The following SELENOO variants were observed in gnomAD, a reference collection of about 807,000 sequenced individuals.
SELENOO encodes the protein selenoprotein O, also known as protein adenylyltransferase SelO, mitochondrial.
In SELENOO, 74 loss-of-function variants were observed where a neutral mutation model predicts 58.7. That is an observed-to-expected ratio of 1.26 (90% CI 1.04 to 1.53). The LOEUF is 1.53. SELENOO is among the 40% of genes most tolerant of loss of function. SELENOO has a pLI of 0.00. For synonymous variants in SELENOO, 543 were observed against 453.2 expected, an observed-to-expected ratio of 1.20 and a Z score of -2.52; for missense variants, 1,149 against 970.0, an observed-to-expected ratio of 1.18 and a Z score of -2.45.
At chr22:50,215,919 A>G (rs373647722) in intron 6 of SELENOO, 52 bp downstream of exon 6, 7 of 1,504,884 alleles carry the variant, frequency 4.7e-6, no homozygotes, top group Non-Finnish European at 6.4e-6. Context: ...AAGGAAGCAT[A>G]ATCAGAAACA....
chr22:50,208,633 T>C lies in SELENOO; in HGVS notation c.856T>C (p.Tyr286His), dbSNP rs2064348250. ...CGACATTCGAGTGCAGCTGCTCGAC[T>C]ATGTCATCAGCTCCTTTTACCCCGA... ...RNDIRVQLLDYVISSFYPEIQ... is the reference protein window; with the variant it reads ...RNDIRVQLLDHVISSFYPEIQ... The change falls in exon 3 of 9, where the codon TAT (tyrosine) becomes CAT (histidine). Residue 286 changes from tyrosine to histidine, a missense_variant. Tyr to His is a moderately conservative substitution (Grantham distance 83, BLOSUM62 2). Transcript: ENST00000380903. 8.7e-6 allele frequency: 14 copies of C among 1,613,812 alleles called. No homozygotes were observed. The highest frequency in any genetic ancestry group is 1.2e-5 in the Non-Finnish European group (14 of 1,180,014).
Position 50,210,621 on chromosome 22 carries a change from C to T in SELENOO, c.1071-10C>T, listed in dbSNP as rs746160721. On this transcript the variant is annotated splice_polypyrimidine_tract_variant and intron_variant, in intron 4 of 8. Coordinates refer to ENST00000380903, the MANE Select transcript of SELENOO (RefSeq NM_031454.2). The stretch of plus-strand genomic sequence containing the variant: ...CAGGCAGGGCGTGGCTCTCTTGCCC[C>T]GTGTGGCAGGTACGACCCCGACCAC... 2.4e-5 allele frequency: 38 copies of T among 1,612,714 alleles called. No homozygotes were observed. Among genetic ancestry groups the T allele is most frequent in the African/African-American group, 4.0e-5 (3 of 74,934 alleles).
chr22:50,205,455 T>C (rs2064327070), intron 1 of SELENOO: 1 of 152,316 alleles, frequency 6.6e-6, no homozygotes, highest in Middle Eastern at 3.4e-3. Flanking sequence ...CTTGGCGGCA[T>C]TGCCTGTAGT....
chr22:50,210,646 C>T lies in SELENOO; in HGVS notation c.1086C>T (p.His362=), dbSNP rs764514579. 7.4e-6 allele frequency: 12 copies of T among 1,612,788 alleles called. No individual in the cohort carries two copies. In the Admixed American group the frequency reaches 1.7e-4, roughly 22 times the overall value. The change falls in exon 5 of 9, where the codon CAC becomes CAT. Residue 362 remains histidine, a synonymous_variant. Transcript: ENST00000380903. ...CGTGTGGCAGGTACGACCCCGACCA[C>T]GTGTGCAATGCCTCCGACAACACCG... ...FGFLDRYDPD[H]VCNASDNTGR...
At chr22:50,206,660 G>A (rs928603037) in intron 2 of SELENOO, 140 bp downstream of exon 2, 28 of 755,642 alleles carry the variant, frequency 3.7e-5, no homozygotes, top group Middle Eastern at 7.7e-4. Flanking sequence ...CCTGTCCCTG[G>A]CAGCCTCAGA....
In SELENOO at chr22:50,216,975, C is replaced by G. The variant is rs1226413769; in HGVS notation, c.1692C>G (p.Ala564=). The part of the protein sequence containing the change: ...HWADWLQAYR[A]RLDKDLEGAG... Reference sequence around the variant, plus strand: ...CAGAGCCCGGATGTCATTCCAGAGCCCGGCTGGACAAGGACCTGGAAGGCG... The same window carrying G: ...CAGAGCCCGGATGTCATTCCAGAGCGCGGCTGGACAAGGACCTGGAAGGCG... Residue 564 remains alanine (A), a synonymous_variant, in exon 8 of 9, where the codon GCC becomes GCG. Transcript: ENST00000380903. 3 of 1,608,202 alleles carry G rather than the reference C, an allele frequency of 1.9e-6. No individual in the cohort carries two copies. Among genetic ancestry groups the G allele is most frequent in the Admixed American group, 1.7e-5 (1 of 59,916 alleles).
intron 5 of SELENOO, among the ~76,000 whole-genome samples, chr22:50,213,647 G>A (rs933798061): frequency 6.6e-6 from 1 of 151,794 alleles, no homozygotes. Context: ...CTTCTGTCTG[G>A]ATGGTTTTTT....
intron 5 of SELENOO, 105 bp from the exon 6 acceptor site, chr22:50,215,612 A>T: frequency 1.1e-5 from 10 of 897,932 alleles, no homozygotes; most frequent in South Asian, 4.7e-5. Context: ...GGGTGGGTCC[A>T]TGCAGCACCT....
chr22:50,201,436 G>C lies in SELENOO; in HGVS notation c.400G>C (p.Glu134Gln). Residue 134 changes from glutamate to glutamine, a missense_variant, in exon 1 of 9, where the codon GAG becomes CAG. By Grantham distance (29) the Glu-to-Gln change is conservative (BLOSUM62 2). Transcript: ENST00000380903. ...CGGCAACGCGCTCCTGCCGGGCGCC[G>C]AGCCCGCCGCGCACTGCTACTGCGG... ...FSGNALLPGA[E>Q]PAAHCYCGHQ... 7.3e-7 allele frequency: 1 copy of C among 1,378,766 alleles called. No homozygotes were observed. The highest frequency in any genetic ancestry group is 9.4e-7 in the Non-Finnish European group (1 of 1,060,964). 85.4% of individuals were successfully genotyped at this position (1,378,766 alleles called of 1,614,324 possible).
Position 50,217,360 on chromosome 22 carries a change from A to T in SELENOO, c.2001A>T (p.Sec667Cys), listed in dbSNP as rs1569106446. The T allele has an allele frequency of 6.2e-7, 1 of 1,612,634 alleles. No individual in the cohort carries two copies. Among genetic ancestry groups the T allele is most frequent in the East Asian group, 2.2e-5 (1 of 44,854 alleles). ...PLWAAELCVT[U>C]SS is the part of the protein sequence containing the mutation. ...GGGCAGCAGAACTGTGCGTGACATGATCTTCGTAACGGCCTCGGCACGCTC... is the reference window on the plus strand; with the variant it reads ...GGGCAGCAGAACTGTGCGTGACATGTTCTTCGTAACGGCCTCGGCACGCTC... The change falls in exon 9 of 9, where the codon TGA becomes TGT. Residue 667 changes from selenocysteine to cysteine, a missense_variant. Transcript: ENST00000380903.
At chr22:50,216,368 T>C (rs549000769) in intron 6 of SELENOO, among the ~76,000 whole-genome samples, 18 of 152,344 alleles carry the variant, frequency 1.2e-4, no homozygotes, top group Admixed American at 3.9e-4. Context: ...TGGACCCTTC[T>C]GGAAATGAGG....
In SELENOO at chr22:50,216,381, A is replaced by G. The variant is rs373717493; in HGVS notation, c.1503-310A>G. Among the ~76,000 whole-genome samples the G allele has an allele frequency of 1.2e-4, 19 of 152,360 alleles. No individual in the cohort carries two copies. The East Asian group carries it at 1.9e-3, about 15-fold the overall frequency. ...CCTGGACCCTTCTGGAAATGAGGGAAGTGCTAACAGCAGTGCCCATCCCAC... is the reference window on the plus strand; with the variant it reads ...CCTGGACCCTTCTGGAAATGAGGGAGGTGCTAACAGCAGTGCCCATCCCAC... On this transcript the variant is annotated intron_variant, in intron 6 of 8. Coordinates refer to ENST00000380903, the MANE Select transcript of SELENOO (RefSeq NM_031454.2).
intron 5 of SELENOO, among the ~76,000 whole-genome samples, chr22:50,211,643 A>T (rs765421748): frequency 1.3e-5 from 2 of 152,230 alleles, no homozygotes; most frequent in Admixed American, 6.5e-5. Flanking sequence ...TATTTCATTC[A>T]TATCTCCTTG....
At chr22:50,212,588 G>A (rs1164519651) in intron 5 of SELENOO, among the ~76,000 whole-genome samples, 1 of 152,206 alleles carries the variant, frequency 6.6e-6, no homozygotes, top group Non-Finnish European at 1.5e-5. Flanking sequence ...CAAACCCTGT[G>A]TGAGCCGGTT....
rs1234740106 is a variant in SELENOO at position 50,201,575 on chromosome 22, C to T, written c.539C>T (p.Pro180Leu). 3.0e-6 allele frequency: 4 copies of T among 1,335,852 alleles called. No homozygotes were observed. The highest frequency in any genetic ancestry group is 3.4e-5 in the Admixed American group (1 of 29,348). The allele number at this position is 1,335,852 out of a possible 1,614,324, so 82.7% of individuals were successfully genotyped here. Reference protein sequence around the residue: ...RWELQLKGAGPTPFSRQADGR... With the variant: ...RWELQLKGAGLTPFSRQADGR... ...GAGCTGCAGCTCAAGGGCGCCGGGC[C>T]CACGCCCTTCTCCAGGTGGGCCGGG... Residue 180 changes from proline to leucine, a missense_variant, in exon 1 of 9, where the codon CCC becomes CTC. Transcript: ENST00000380903.
chr22:50,208,569 T>A lies in SELENOO; in HGVS notation c.792T>A (p.Asp264Glu). The A allele has an allele frequency of 6.2e-7, 1 of 1,613,890 alleles. No individual in the cohort carries two copies. Among genetic ancestry groups the A allele is most frequent in the Non-Finnish European group, 8.5e-7 (1 of 1,179,914 alleles). ...FGSFEIFKSA[D>E]EHTGRAGPSV... ...CCTTTGAGATTTTTAAGTCTGCAGA[T>A]GAGCACACAGGGCGTGCAGGCCCCA... Residue 264 changes from aspartate to glutamate, a missense_variant, in exon 3 of 9, where the codon GAT becomes GAA. Coordinates refer to ENST00000380903, the MANE Select transcript of SELENOO (RefSeq NM_031454.2).
Position 50,210,745 on chromosome 22 carries a change from G to C in SELENOO, c.1185G>C (p.Pro395=), listed in dbSNP as rs746726434. 2 of 1,613,550 alleles carry C rather than the reference G, an allele frequency of 1.2e-6. No homozygotes were observed. Among genetic ancestry groups the C allele is most frequent in the African/African-American group, 2.7e-5 (2 of 74,952 alleles). Residue 395 remains proline (P), a synonymous_variant, in exon 5 of 9, where the codon CCG becomes CCC. Transcript: ENST00000380903. The part of the protein sequence containing the change: ...NLRKLAEALQ[P]ELPLELGEAI... ...GGAAGCTGGCCGAGGCCCTGCAGCC[G>C]GAACTGCCCCTGGAGCTGGGGGAGG...
rs371891505 is a variant in SELENOO at position 50,205,124 on chromosome 22, G to T, written c.555-1193G>T. On this transcript the variant is annotated intron_variant, in intron 1 of 8. Coordinates refer to ENST00000380903, the MANE Select transcript of SELENOO (RefSeq NM_031454.2). ...GGAGCCAGTGTTCGATGGGGACAAAGTTTCAGTTTCTGGGTCCCAGGGGCT... is the reference window on the plus strand; with the variant it reads ...GGAGCCAGTGTTCGATGGGGACAAATTTTCAGTTTCTGGGTCCCAGGGGCT... 8.4e-4 allele frequency among the ~76,000 whole-genome samples: 128 copies of T among 151,942 alleles called. 3 individuals carry two copies. The East Asian group carries it at 8.7e-3, about 10-fold the overall frequency.
At chr22:50,203,219 T>C (rs549889178) in intron 1 of SELENOO, among the ~76,000 whole-genome samples, 1 of 152,094 alleles carries the variant, frequency 6.6e-6, no homozygotes, top group African/African-American at 2.4e-5. Context: ...AAAAAAATAT[T>C]TTTTTTTATT....
Sources: allele counts gnomAD v4.1 joint callset (sites outside exome capture counted in the v4.1 genomes callset), GRCh38; gene constraint gnomAD v4.1.1; transcripts MANE v1.5; gene names NCBI Gene and HGNC (gene_info 2026-07-23, HGNC 2026-07-21).